GCNT3: variants seen among roughly 807,000 people sequenced by gnomAD.
The protein encoded by GCNT3 is beta-1,3-galactosyl-O-glycosyl-glycoprotein beta-1,6-N-acetylglucosaminyltransferase 3.
For missense variants in GCNT3, 708 were observed against 530.3 expected, an observed-to-expected ratio of 1.34 and a Z score of -3.29; for synonymous variants, 269 against 195.2, an observed-to-expected ratio of 1.38 and a Z score of -3.15.
rs559926728 is a variant in GCNT3 at position 59,622,044 on chromosome 15, G to T, written c.*2489G>T. The T allele has an allele frequency of 4.0e-5, 6 of 151,802 alleles. No homozygotes were observed. The highest frequency in any genetic ancestry group is 1.2e-4 in the African/African-American group (5 of 41,388). The allele number at this position is 151,802 out of a possible 1,614,324, so 9.4% of individuals were successfully genotyped here. A position where few individuals can be genotyped will look rare whatever the true frequency, so the allele number is the denominator to read the frequency against. ...GTAGTTACTTTTGGCCAGGTGTGGT[G>T]GCTGACGCCTGTAATCCCAGCACTT... On this transcript the variant is annotated 3_prime_UTR_variant, in exon 3 of 3. Coordinates refer to ENST00000396065, the MANE Select transcript of GCNT3 (RefSeq NM_004751.3).
intron 2 of GCNT3, 106 bp from the exon 3 acceptor site, chr15:59,618,073 G>C: frequency 1.9e-6 from 1 of 530,918 alleles, no homozygotes; most frequent in Non-Finnish European, 3.3e-6. Context: ...TCTTTACTAA[G>C]GATTTTTGTC....
chr15:59,616,802 G>A lies in GCNT3; in HGVS notation c.-140G>A, dbSNP rs941940324. 6.6e-6 allele frequency: 1 copy of A among 152,194 alleles called. No homozygotes were observed. Among genetic ancestry groups the A allele is most frequent in the Non-Finnish European group, 1.5e-5 (1 of 68,054 alleles). The allele number at this position is 152,194 out of a possible 1,614,324, so 9.4% of individuals were successfully genotyped here. A position where few individuals can be genotyped will look rare whatever the true frequency, so the allele number is the denominator to read the frequency against. On this transcript the variant is annotated 5_prime_UTR_variant, in exon 2 of 3. Coordinates refer to ENST00000396065, the MANE Select transcript of GCNT3 (RefSeq NM_004751.3). ...ATGGTTGTTCACATTTGCTGCCACGGAACACCGCCAGTCTTCACTTGGAAA... is the reference window on the plus strand; with the variant it reads ...ATGGTTGTTCACATTTGCTGCCACGAAACACCGCCAGTCTTCACTTGGAAA...
chr15:59,614,228 T>C (rs111671937), intron 1 of GCNT3, among the ~76,000 whole-genome samples: 8 of 152,230 alleles, frequency 5.3e-5, no homozygotes, highest in African/African-American at 1.9e-4. Flanking sequence ...GATTTTATAC[T>C]CAACAATGGA....
chr15:59,622,347 G>A lies in GCNT3; in HGVS notation c.*2792G>A, dbSNP rs960734469. 8 of 151,644 alleles carry A rather than the reference G, an allele frequency of 5.3e-5. No individual in the cohort carries two copies. The highest frequency in any genetic ancestry group is 2.1e-4 in the South Asian group (1 of 4,822). The allele number at this position is 151,644 out of a possible 1,614,324, so 9.4% of individuals were successfully genotyped here. ...AAAAAAGTTACCTTTTTTTGGTAAG[G>A]TTGTACTTCTTAGATAATGGTCATT... On this transcript the variant is annotated 3_prime_UTR_variant, in exon 3 of 3. Transcript: ENST00000396065.
chr15:59,618,861 A>G lies in GCNT3; in HGVS notation c.623A>G (p.Asn208Ser), dbSNP rs775997022. Residue 208 changes from asparagine to serine, a missense_variant, in exon 3 of 3, where the codon AAC becomes AGC. Transcript: ENST00000396065. ...TGGTCCAGGGTGCAAGCTGACCTCA[A>G]CTGCATGGAAGACTTGCTCCAGAGC... is the stretch of plus-strand genomic sequence containing the variant. ...ASWSRVQADL[N>S]CMEDLLQSSV... 1.6e-5 allele frequency: 26 copies of G among 1,614,176 alleles called. No homozygotes were observed. Among genetic ancestry groups the G allele is most frequent in the East Asian group, 4.5e-5 (2 of 44,882 alleles).
intron 1 of GCNT3, among the ~76,000 whole-genome samples, chr15:59,612,584 G>T (rs1311360329): frequency 1.3e-5 from 2 of 152,158 alleles, no homozygotes; most frequent in African/African-American, 4.8e-5. Context: ...CATACCCCAG[G>T]TTTCAGTTTT....
Position 59,619,118 on chromosome 15 carries a change from A to G in GCNT3, c.880A>G (p.Thr294Ala), listed in dbSNP as rs1360504656. The G allele has an allele frequency of 6.8e-6, 11 of 1,614,082 alleles. No individual in the cohort carries two copies. The East Asian group carries it at 2.4e-4, about 36-fold the overall frequency. ...TCCCCCTTATAATTTAACTATGTTT[A>G]CAGGGAATGCGTACATTGTGGCTTC... ...DPPPYNLTMF[T>A]GNAYIVASRD... The change falls in exon 3 of 3, where the codon ACA becomes GCA. Residue 294 changes from threonine to alanine, a missense_variant. Physicochemically the swap from Thr to Ala is moderately conservative, Grantham distance 58. Transcript: ENST00000396065.
chr15:59,615,134 A>G (rs538744001), intron 1 of GCNT3: 1 of 152,262 alleles, frequency 6.6e-6, no homozygotes, highest in East Asian at 1.9e-4. Context: ...AAACTCTGCC[A>G]ATAAAGGGCA....
In GCNT3 at chr15:59,619,231, C is replaced by T; in HGVS notation, c.993C>T (p.His331=). Residue 331 remains histidine, a synonymous_variant, in exon 3 of 3, where the codon CAC becomes CAT. Coordinates refer to ENST00000396065, the MANE Select transcript of GCNT3 (RefSeq NM_004751.3). The part of the protein sequence containing the change: ...WVKDTYSPDE[H]LWATLQRARW... Reference sequence around the variant, plus strand: ...AAGACACTTATAGCCCAGATGAACACCTCTGGGCCACCCTTCAGCGTGCAC... The same window carrying T: ...AAGACACTTATAGCCCAGATGAACATCTCTGGGCCACCCTTCAGCGTGCAC... 6.2e-7 allele frequency: 1 copy of T among 1,614,088 alleles called. No homozygotes were observed. Among genetic ancestry groups the T allele is most frequent in the Non-Finnish European group, 8.5e-7 (1 of 1,180,008 alleles).
chr15:59,614,007 C>T (rs2082708400), intron 1 of GCNT3, among the ~76,000 whole-genome samples: 1 of 152,146 alleles, frequency 6.6e-6, no homozygotes, highest in African/African-American at 2.4e-5. Flanking sequence ...CAGCGAGACC[C>T]TGTCTCTGAA....
chr15:59,615,548 A>G (rs1029811008), intron 1 of GCNT3, among the ~76,000 whole-genome samples: 2 of 152,058 alleles, frequency 1.3e-5, no homozygotes, highest in Non-Finnish European at 2.9e-5. Context: ...CCAACACTTT[A>G]TATCTTAACT....
chr15:59,615,962 G>A (rs754168291), intron 1 of GCNT3, among the ~76,000 whole-genome samples: 7 of 152,256 alleles, frequency 4.6e-5, no homozygotes, highest in Non-Finnish European at 1.0e-4. Context: ...GTTGGGGGCC[G>A]GGTTGGGGAG....
Position 59,620,873 on chromosome 15 carries a change from T to A in GCNT3, c.*1318T>A, listed in dbSNP as rs907063639. The A allele has an allele frequency of 1.8e-5, 2 of 111,918 alleles. No individual in the cohort carries two copies. The highest frequency in any genetic ancestry group is 8.0e-5 in the African/African-American group (2 of 24,868). The allele number at this position is 111,918 out of a possible 1,614,324, so 6.9% of individuals were successfully genotyped here. A position where few individuals can be genotyped will look rare whatever the true frequency, so the allele number is the denominator to read the frequency against. Reference sequence around the variant, plus strand: ...TTTAGGCCTCTTGAGTCAAAACTCTTTTTTTTTTTTTTTTTTTTTTTTTTT... The same window carrying A: ...TTTAGGCCTCTTGAGTCAAAACTCTATTTTTTTTTTTTTTTTTTTTTTTTT... On this transcript the variant is annotated 3_prime_UTR_variant, in exon 3 of 3. Coordinates refer to ENST00000396065, the MANE Select transcript of GCNT3 (RefSeq NM_004751.3).
At chr15:59,616,390 G>A (rs1403699178) in intron 1 of GCNT3, 1 of 152,148 alleles carries the variant, frequency 6.6e-6, no homozygotes, top group Non-Finnish European at 1.5e-5. Flanking sequence ...ACAAAAGAAG[G>A]GAGGGGCATA....
At chr15:59,616,341 G>A (rs1484152673) in intron 1 of GCNT3, 2 of 152,152 alleles carry the variant, frequency 1.3e-5, no homozygotes, top group African/African-American at 4.8e-5. Flanking sequence ...CCCACCTCTT[G>A]TAATGTTCAG....
Position 59,619,595 on chromosome 15 carries a change from A to G in GCNT3, c.*40A>G. On this transcript the variant is annotated 3_prime_UTR_variant, in exon 3 of 3. Transcript: ENST00000396065. ...GCGTTGCTACCTGTGGGGCAAGAGC[A>G]TGTACAAACATGCTCAGAACTTGCT... 7.9e-7 allele frequency: 1 copy of G among 1,266,980 alleles called. No individual in the cohort carries two copies. The highest frequency in any genetic ancestry group is 1.1e-6 in the Non-Finnish European group (1 of 888,274). The allele number at this position is 1,266,980 out of a possible 1,614,324, so 78.5% of individuals were successfully genotyped here. A position where few individuals can be genotyped will look rare whatever the true frequency, so the allele number is the denominator to read the frequency against.
chr15:59,616,274 C>T (rs1272569353), intron 1 of GCNT3, among the ~76,000 whole-genome samples: 1 of 152,064 alleles, frequency 6.6e-6, no homozygotes, highest in Non-Finnish European at 1.5e-5. Flanking sequence ...CATTGATGTG[C>T]TTTTTTTAAA....
At position 59,619,017 on chromosome 15, in the gene GCNT3, A is replaced by G. The variant is rs565697492; in HGVS notation, c.779A>G (p.His260Arg). 3 of 1,614,184 alleles carry G rather than the reference A, an allele frequency of 1.9e-6. No homozygotes were observed. In the East Asian group the frequency reaches 6.7e-5, roughly 36 times the overall value. ...ATGGAGTCAGAGGTACCTCCTAAGC[A>G]CAAAGAAACCCGCTGGAAATATCAC... ...NSMESEVPPK[H>R]KETRWKYHFE... is the part of the protein sequence containing the mutation. Residue 260 changes from histidine to arginine, a missense_variant, in exon 3 of 3, where the codon CAC becomes CGC. Physicochemically the swap from His to Arg is conservative, Grantham distance 29. Transcript: ENST00000396065.
chr15:59,614,316 C>G (rs1285249061), intron 1 of GCNT3, among the ~76,000 whole-genome samples: 2 of 152,230 alleles, frequency 1.3e-5, no homozygotes, highest in East Asian at 3.9e-4. Flanking sequence ...GACCCTGTTA[C>G]CAGAAAGGGG....
Sources: allele counts gnomAD v4.1 joint callset (sites outside exome capture counted in the v4.1 genomes callset), GRCh38; gene constraint gnomAD v4.1.1; transcripts MANE v1.5; gene names NCBI Gene and HGNC (gene_info 2026-07-23, HGNC 2026-07-21).